Variants in HYDIN observed in about 807,000 individuals in gnomAD.
HYDIN encodes axonemal central pair apparatus protein HYDIN.
In HYDIN, 132 loss-of-function variants were observed where a neutral mutation model predicts 403.9. The observed-to-expected ratio is 0.33, with a 90% CI of 0.28 to 0.38. HYDIN has a LOEUF of 0.38. Ranked by LOEUF, HYDIN falls within the 10% of genes least tolerant of loss-of-function variation. The pLI is 1.00. For synonymous variants in HYDIN, 1,202 were observed against 1,891.7 expected (o/e 0.64, Z 9.46); for missense variants, 2,827 against 5,009.5 (o/e 0.56, Z 13.15).
intron 9 of HYDIN, among the ~76,000 whole-genome samples, chr16:71,118,513 C>T: frequency 6.6e-6 from 1 of 152,100 alleles, no homozygotes; most frequent in Non-Finnish European, 1.5e-5. Flanking sequence ...CAGTAGCAGA[C>T]ACCTATTCAT....
intron 12 of HYDIN, among the ~76,000 whole-genome samples, chr16:71,082,529 T>C (rs2082814769): frequency 6.6e-6 from 1 of 150,964 alleles, no homozygotes; most frequent in Non-Finnish European, 1.5e-5. Flanking sequence ...ACATCCAAAA[T>C]CAAGAAGTGG....
At chr16:70,826,834 C>A in intron 83 of HYDIN, among the ~76,000 whole-genome samples, 1 of 135,388 alleles carries the variant, frequency 7.4e-6, no homozygotes, top group Admixed American at 7.3e-5. Flanking sequence ...CATCTTAGCT[C>A]CAAATGCTAT....
intron 45 of HYDIN, among the ~76,000 whole-genome samples, chr16:70,934,018 C>G (rs557410762): frequency 1.1e-4 from 16 of 152,178 alleles, no homozygotes; most frequent in Middle Eastern, 3.4e-3. Flanking sequence ...AGAAAGAAAC[C>G]AGGGAGAAGG....
intron 13 of HYDIN, among the ~76,000 whole-genome samples, chr16:71,072,990 G>A (rs928038303): frequency 6.6e-6 from 1 of 152,030 alleles, no homozygotes; most frequent in Non-Finnish European, 1.5e-5. Context: ...GCCCATAGAA[G>A]CTAAATTATT....
chr16:71,135,647 G>A (rs991188322), intron 8 of HYDIN, among the ~76,000 whole-genome samples: 1 of 151,972 alleles, frequency 6.6e-6, no homozygotes, highest in Non-Finnish European at 1.5e-5. Flanking sequence ...AAGCATGTTG[G>A]GCCATTTTGA....
intron 84 of HYDIN, among the ~76,000 whole-genome samples, chr16:70,813,762 T>C (rs866606813): frequency 0.016 from 2,350 of 150,056 alleles, 20 homozygotes; most frequent in Non-Finnish European, 0.023. Context: ...GATATGTAAA[T>C]GTAAAGGGCC....
intron 1 of HYDIN, among the ~76,000 whole-genome samples, chr16:71,229,115 T>A (rs1257508359): frequency 7.7e-6 from 1 of 130,324 alleles, no homozygotes; most frequent in Admixed American, 9.1e-5. Context: ...ATGAGAACAC[T>A]TGGACACAGG....
At chr16:70,894,407 C>A in intron 55 of HYDIN, 42 bp downstream of exon 55, 4 of 1,611,456 alleles carry the variant, frequency 2.5e-6, no homozygotes, top group Non-Finnish European at 2.5e-6. Context: ...TTCCTCCCCA[C>A]GGCGGACTTG....
At chr16:70,938,836 T>C in intron 43 of HYDIN, 81 bp from the exon 44 acceptor site, 1 of 1,480,452 alleles carries the variant, frequency 6.8e-7, no homozygotes, top group South Asian at 1.2e-5. Flanking sequence ...GAGTAGGGTC[T>C]TAGTGTGGGG....
At chr16:70,868,521 A>T in intron 66 of HYDIN, 49 bp downstream of exon 66, 1 of 1,564,484 alleles carries the variant, frequency 6.4e-7, no homozygotes, top group Non-Finnish European at 8.7e-7. Flanking sequence ...ACCAGTAGGA[A>T]TCCAAGCATG....
chr16:70,850,418 A>G (rs1225315406), intron 74 of HYDIN, 30 bp downstream of exon 74: 10 of 1,017,936 alleles, frequency 9.8e-6, no homozygotes, highest in African/African-American at 1.6e-5. Context: ...GGAAGCTGAG[A>G]TAGATAGCAA....
intron 36 of HYDIN, among the ~76,000 whole-genome samples, chr16:70,965,234 T>C (rs1433793645): frequency 6.6e-6 from 1 of 152,212 alleles, no homozygotes; most frequent in Non-Finnish European, 1.5e-5. Flanking sequence ...CTACCTTGAG[T>C]GACAATTCAT....
At chr16:70,940,945 T>TG (rs1202502075) in intron 43 of HYDIN, among the ~76,000 whole-genome samples, 1 of 151,718 alleles carries the variant, frequency 6.6e-6, no homozygotes, top group African/African-American at 2.4e-5. Context: ...ACCCCTGCCC[T>TG]GGGGGGCCAA....
At chr16:70,960,250 T>A (rs1279084872) in intron 38 of HYDIN, among the ~76,000 whole-genome samples, 1 of 151,256 alleles carries the variant, frequency 6.6e-6, no homozygotes, top group Non-Finnish European at 1.5e-5. Flanking sequence ...ACTAGTCAAC[T>A]ATAGCCCACA....
chr16:71,017,067 C>T (rs10735132), intron 23 of HYDIN, among the ~76,000 whole-genome samples: 5 of 151,834 alleles, frequency 3.3e-5, no homozygotes, highest in Admixed American at 1.3e-4. Flanking sequence ...GGGCTGGGTA[C>T]GGTGGCCCAC....
intron 18 of HYDIN, among the ~76,000 whole-genome samples, chr16:71,048,629 C>T (rs1433563271): frequency 1.3e-5 from 2 of 151,172 alleles, no homozygotes; most frequent in Non-Finnish European, 2.9e-5. Flanking sequence ...AATGTAGGAA[C>T]AGAAAACCAA....
intron 65 of HYDIN, among the ~76,000 whole-genome samples, chr16:70,870,540 C>T (rs1363515916): frequency 1.3e-5 from 2 of 149,798 alleles, no homozygotes; most frequent in East Asian, 4.0e-4. Context: ...GGTGCAAGCC[C>T]CAAGACTTGG....
At chr16:71,040,472 A>AC (rs1185453112) in intron 18 of HYDIN, among the ~76,000 whole-genome samples, 3 of 125,954 alleles carry the variant, frequency 2.4e-5, no homozygotes, top group Non-Finnish European at 5.1e-5. Flanking sequence ...AAATGCACAT[A>AC]CCCCCCCTCC....
chr16:71,102,380 T>C (rs1322342415), intron 10 of HYDIN, among the ~76,000 whole-genome samples: 1 of 152,092 alleles, frequency 6.6e-6, no homozygotes, highest in African/African-American at 2.4e-5. Flanking sequence ...CTTGCTGAAA[T>C]GTTAACTAAT....
Sources: gnomAD v4.1 joint callset for allele counts (sites outside exome capture counted in the v4.1 genomes callset) on GRCh38, gnomAD v4.1.1 for gene constraint, MANE v1.5 for transcripts, NCBI Gene and HGNC (gene_info 2026-07-23, HGNC 2026-07-21) for gene names.